SNTG1: variants seen among roughly 807,000 people sequenced by gnomAD.
The protein encoded by SNTG1 is gamma-1-syntrophin.
In SNTG1, 39 loss-of-function variants were observed where a neutral mutation model predicts 74.7. That is an observed-to-expected ratio of 0.52 (90% CI 0.40 to 0.68). The LOEUF (loss-of-function observed/expected upper bound fraction) is 0.68, where lower values mean the gene tolerates loss of function less well. Ranked by LOEUF, SNTG1 falls within the 30% of genes least tolerant of loss-of-function variation. The probability of loss-of-function intolerance (pLI) is 0.00; values close to 1 mark genes in which losing one functional copy is unlikely to be tolerated. For missense variants in SNTG1, 685 were observed against 609.5 expected (o/e 1.12, Z -1.30); for synonymous variants, 254 against 217.1 (o/e 1.17, Z -1.49).
chr8:50,374,003 T>TA (rs1268975530), intron 2 of SNTG1, among the ~76,000 whole-genome samples: 3 of 152,204 alleles, frequency 2.0e-5, no homozygotes, highest in African/African-American at 7.2e-5. Context: ...AATTTTTTTT[T>TA]ATGGATTTAA....
chr8:50,098,510 G>A (rs1012594407), intron 1 of SNTG1, among the ~76,000 whole-genome samples: 2 of 152,132 alleles, frequency 1.3e-5, no homozygotes, highest in African/African-American at 2.4e-5. Flanking sequence ...AGGAGGATGT[G>A]CATAGGTTAA....
intron 8 of SNTG1, among the ~76,000 whole-genome samples, chr8:50,497,705 T>G (rs2093916495): frequency 6.6e-6 from 1 of 151,966 alleles, no homozygotes; most frequent in African/African-American, 2.4e-5. Flanking sequence ...ATCAAGGTAA[T>G]AAAATACTCA....
intron 1 of SNTG1, among the ~76,000 whole-genome samples, chr8:50,045,359 T>C (rs1357914286): frequency 6.6e-6 from 1 of 152,194 alleles, no homozygotes; most frequent in African/African-American, 2.4e-5. Flanking sequence ...GCACATCACG[T>C]GCTCAGAGTA....
At chr8:50,740,541 G>C (rs1363851111) in intron 17 of SNTG1, among the ~76,000 whole-genome samples, 1 of 152,038 alleles carries the variant, frequency 6.6e-6, no homozygotes, top group East Asian at 1.9e-4. Flanking sequence ...CTGGTTGGTG[G>C]GAGTATAAAT....
At position 50,375,344 on chromosome 8, in the gene SNTG1, G is replaced by T. The variant is rs183521708; in HGVS notation, c.-27-18868G>T. ...AATGGGACATGCACAGGAGGACCTG[G>T]GGGACAAGCTCCAGAACTCTACAGA... On this transcript the variant is annotated intron_variant, in intron 2 of 18. Coordinates refer to ENST00000642720, the MANE Select transcript of SNTG1 (RefSeq NM_018967.5). Among the ~76,000 whole-genome samples the T allele has an allele frequency of 1.3e-3, 198 of 152,050 alleles. 1 individual carries two copies. The Middle Eastern group carries it at 0.027, about 21-fold the overall frequency.
At chr8:50,010,718 A>G (rs1815699860) in intron 1 of SNTG1, among the ~76,000 whole-genome samples, 1 of 151,968 alleles carries the variant, frequency 6.6e-6, no homozygotes, top group Non-Finnish European at 1.5e-5. Flanking sequence ...CAGAATATTT[A>G]AGAGGAATTC....
intron 2 of SNTG1, among the ~76,000 whole-genome samples, chr8:50,275,086 G>T (rs2130343742): frequency 6.6e-6 from 1 of 152,060 alleles, no homozygotes; most frequent in African/African-American, 2.4e-5. Flanking sequence ...CTTCTAGAGT[G>T]AATTAGACTT....
chr8:50,132,669 TC>T (rs1244891725), intron 1 of SNTG1, among the ~76,000 whole-genome samples: 1 of 152,132 alleles, frequency 6.6e-6, no homozygotes, highest in Middle Eastern at 3.2e-3. Context: ...CCCAAGTAGG[TC>T]CCATTGGACA....
At chr8:50,135,470 A>G (rs1310628055) in intron 1 of SNTG1, among the ~76,000 whole-genome samples, 1 of 152,164 alleles carries the variant, frequency 6.6e-6, no homozygotes, top group East Asian at 1.9e-4. Context: ...AGCAGCAGAT[A>G]ATATTGTTGA....
At chr8:50,702,934 T>TAA in intron 15 of SNTG1, among the ~76,000 whole-genome samples, 3 of 150,144 alleles carry the variant, frequency 2.0e-5, no homozygotes, top group South Asian at 4.2e-4. Context: ...CTAAAAGATT[T>TAA]AAAAAAAAAA....
At chr8:50,387,915 AC>A (rs998908580) in intron 2 of SNTG1, among the ~76,000 whole-genome samples, 10 of 152,280 alleles carry the variant, frequency 6.6e-5, no homozygotes, top group Non-Finnish European at 1.3e-4. Context: ...ACTCAGCAGA[AC>A]TTAGGGGTTC....
intron 15 of SNTG1, among the ~76,000 whole-genome samples, chr8:50,693,078 T>C (rs2095389148): frequency 6.6e-6 from 1 of 152,212 alleles, no homozygotes; most frequent in Non-Finnish European, 1.5e-5. Flanking sequence ...TCTCCTGATG[T>C]GCCCTTTTTT....
chr8:49,991,347 T>C (rs1813668561), intron 1 of SNTG1, among the ~76,000 whole-genome samples: 1 of 152,146 alleles, frequency 6.6e-6, no homozygotes, highest in African/African-American at 2.4e-5. Flanking sequence ...CTGGTGGGAT[T>C]GTAAAATGGT....
At chr8:50,217,821 C>T (rs972607951) in intron 2 of SNTG1, among the ~76,000 whole-genome samples, 21 of 152,070 alleles carry the variant, frequency 1.4e-4, no homozygotes, top group African/African-American at 4.8e-4. Flanking sequence ...TGTGCTGTTT[C>T]CACACCACTG....
At chr8:50,693,052 C>T (rs2131460020) in intron 15 of SNTG1, among the ~76,000 whole-genome samples, 5 of 152,308 alleles carry the variant, frequency 3.3e-5, no homozygotes, top group Middle Eastern at 6.8e-3. Flanking sequence ...CCCTCTGAGC[C>T]AGGTGCAGGA....
At chr8:50,485,110 T>C (rs2093779217) in intron 8 of SNTG1, among the ~76,000 whole-genome samples, 1 of 152,164 alleles carries the variant, frequency 6.6e-6, no homozygotes, top group Non-Finnish European at 1.5e-5. Context: ...ATGGAAACTT[T>C]GCTCATTTGA....
intron 2 of SNTG1, among the ~76,000 whole-genome samples, chr8:50,246,504 CTT>C (rs58751270): frequency 0.87 from 123,888 of 141,816 alleles, 55,246 homozygotes; most frequent in East Asian, 0.97. Flanking sequence ...TAGTGTCTTT[CTT>C]TTTTTTTTTT....
chr8:50,075,029 T>C (rs963686162), intron 1 of SNTG1, among the ~76,000 whole-genome samples: 2 of 152,184 alleles, frequency 1.3e-5, no homozygotes, highest in African/African-American at 4.8e-5. Flanking sequence ...GAGGGTACAC[T>C]GGGTCCCCCA....
At chr8:50,423,120 T>C (rs1246761945) in intron 4 of SNTG1, among the ~76,000 whole-genome samples, 2 of 152,166 alleles carry the variant, frequency 1.3e-5, no homozygotes, top group Non-Finnish European at 2.9e-5. Flanking sequence ...TGAGTAAATA[T>C]CAATATTTTA....
Sources: allele counts gnomAD v4.1 joint callset (sites outside exome capture counted in the v4.1 genomes callset), GRCh38; gene constraint gnomAD v4.1.1; transcripts MANE v1.5; gene names NCBI Gene and HGNC (gene_info 2026-07-23, HGNC 2026-07-21).